Variants in SEC11C observed in about 807,000 individuals in gnomAD.
The protein encoded by SEC11C is signal peptidase complex catalytic subunit SEC11C.
In SEC11C, 10 loss-of-function variants were observed where a neutral mutation model predicts 21.9. The ratio of observed to expected loss-of-function variants is 0.46; its 90% CI spans 0.28 to 0.77. SEC11C has a LOEUF of 0.77. Among genes scored for constraint, SEC11C ranks in the 30% least tolerant of loss-of-function variants. The pLI is 0.12. For missense variants in SEC11C, 145 were observed against 244.5 expected, an observed-to-expected ratio of 0.59 and a Z score of 2.71; for synonymous variants, 83 against 85.6, an observed-to-expected ratio of 0.97 and a Z score of 0.17.
chr18:59,151,731 C>T (rs1208823461), intron 2 of SEC11C, among the ~76,000 whole-genome samples: 1 of 152,184 alleles, frequency 6.6e-6, no homozygotes, highest in African/African-American at 2.4e-5. Flanking sequence ...CAGGTTCTTC[C>T]TGCTCAGCAG....
chr18:59,155,713 AC>A lies in SEC11C; in HGVS notation c.374del (p.Thr125IlefsTer42). On this transcript the variant is annotated frameshift_variant, in exon 4 of 6. Transcript: ENST00000587834. LOFTEE classifies it high-confidence loss of function. ...AGATAATGGAGACATCAAATTTCTG[AC>A]TAAAGGAGATAATAATGAAGTTGAT... The part of the protein sequence containing the change: ...EKDNGDIKFL[T>X]KGDNNEVDDR... 1.2e-6 allele frequency: 2 copies of A among 1,613,764 alleles called. No homozygotes were observed. The highest frequency in any genetic ancestry group is 1.7e-6 in the Non-Finnish European group (2 of 1,179,774).
In SEC11C at chr18:59,155,709, T is replaced by C; in HGVS notation, c.369T>C (p.Phe123=). Residue 123 remains phenylalanine (F), a synonymous_variant, in exon 4 of 6, where the codon TTT becomes TTC. Transcript: ENST00000587834. The part of the protein sequence containing the change: ...VHEKDNGDIK[F]LTKGDNNEVD... Reference sequence around the variant, plus strand: ...CCAGAGATAATGGAGACATCAAATTTCTGACTAAAGGAGATAATAATGAAG... The same window carrying C: ...CCAGAGATAATGGAGACATCAAATTCCTGACTAAAGGAGATAATAATGAAG... 6.2e-7 allele frequency: 1 copy of C among 1,613,652 alleles called. No homozygotes were observed. The highest frequency in any genetic ancestry group is 8.5e-7 in the Non-Finnish European group (1 of 1,179,758).
At chr18:59,142,838 T>G (rs1418363285) in intron 1 of SEC11C, among the ~76,000 whole-genome samples, 1 of 152,200 alleles carries the variant, frequency 6.6e-6, no homozygotes, top group African/African-American at 2.4e-5. Context: ...GACTACATAT[T>G]GGGTACAGTG....
At chr18:59,143,977 G>T (rs1464303931) in intron 1 of SEC11C, among the ~76,000 whole-genome samples, 2 of 151,614 alleles carry the variant, frequency 1.3e-5, no homozygotes, top group Non-Finnish European at 2.9e-5. Context: ...TCAGCCTCCC[G>T]AGTAGCTGGG....
In SEC11C at chr18:59,145,869, G is replaced by A. The variant is rs77417207; in HGVS notation, c.88-3644G>A. Reference sequence around the variant, plus strand: ...GTGTTACAGTCGCCTGCAGTATTCAGTACAGTAGCATGCTGCACAGGTTTC... The same window carrying A: ...GTGTTACAGTCGCCTGCAGTATTCAATACAGTAGCATGCTGCACAGGTTTC... On this transcript the variant is annotated intron_variant, in intron 1 of 5. Transcript: ENST00000587834. Among the ~76,000 whole-genome samples, 173 of 152,302 alleles carry A rather than the reference G, an allele frequency of 1.1e-3. 2 individuals carry two copies. In the Middle Eastern group the frequency reaches 0.014, roughly 12 times the overall value.
rs756957809 is a variant in SEC11C, at chr18:59,140,165, G to T, written c.87+130G>T. 2.8e-5 allele frequency: 21 copies of T among 746,230 alleles called. No homozygotes were observed. In the East Asian group the frequency reaches 5.7e-4, roughly 20 times the overall value. 46.2% of individuals were successfully genotyped at this position (746,230 alleles called of 1,614,324 possible). ...CGGCCACCCGAAGCTCCCGCGCTGG[G>T]CTCTCAGGCCCTGGGTTCTACGCCT... On this transcript the variant is annotated intron_variant, in intron 1 of 5. Transcript: ENST00000587834.
chr18:59,145,210 G>A (rs2069257562), intron 1 of SEC11C, among the ~76,000 whole-genome samples: 1 of 152,202 alleles, frequency 6.6e-6, no homozygotes, highest in Admixed American at 6.5e-5. Flanking sequence ...TGCACCACCT[G>A]TTTTTGTAAA....
chr18:59,145,916 C>T (rs1240965701), intron 1 of SEC11C, among the ~76,000 whole-genome samples: 4 of 152,224 alleles, frequency 2.6e-5, no homozygotes, highest in African/African-American at 9.6e-5. Flanking sequence ...CAATAGGCTA[C>T]ATCGTATAGC....
intron 1 of SEC11C, among the ~76,000 whole-genome samples, chr18:59,148,317 C>G (rs915174078): frequency 6.6e-6 from 1 of 152,226 alleles, no homozygotes; most frequent in Non-Finnish European, 1.5e-5. Context: ...GCGTTAGTCC[C>G]TCTTGCGCCT....
chr18:59,149,714 G>A (rs903534490), intron 2 of SEC11C, 92 bp downstream of exon 2: 13 of 594,940 alleles, frequency 2.2e-5, no homozygotes, highest in African/African-American at 7.3e-5. Context: ...GAAAACCTGC[G>A]TGACAGCTAA....
intron 2 of SEC11C, among the ~76,000 whole-genome samples, chr18:59,151,946 A>C (rs1331028593): frequency 6.6e-6 from 1 of 152,218 alleles, no homozygotes; most frequent in Non-Finnish European, 1.5e-5. Flanking sequence ...ATTGACTTCC[A>C]CAATAACCCA....
intron 1 of SEC11C, among the ~76,000 whole-genome samples, chr18:59,144,761 CA>C (rs1014195574): frequency 3.4e-5 from 4 of 117,924 alleles, no homozygotes; most frequent in African/African-American, 6.3e-5. Flanking sequence ...TTGCTAGAAA[CA>C]AAAAAAAAGG....
intron 1 of SEC11C, among the ~76,000 whole-genome samples, chr18:59,141,888 A>G (rs2069215043): frequency 6.6e-6 from 1 of 152,180 alleles, no homozygotes; most frequent in African/African-American, 2.4e-5. Context: ...AGAATATTTG[A>G]TCTGAAATGT....
In SEC11C at chr18:59,152,797, C is replaced by T. The variant is rs957986782; in HGVS notation, c.347+112C>T. On this transcript the variant is annotated intron_variant, in intron 3 of 5. Coordinates refer to ENST00000587834, the MANE Select transcript of SEC11C (RefSeq NM_033280.4). The stretch of plus-strand genomic sequence containing the variant: ...TATGTTCTGAGTTCTGCCATTGACT[C>T]ACTGGGTGACTTTGGACCAAATGCT... The T allele has an allele frequency of 5.5e-6, 5 of 914,584 alleles. No individual in the cohort carries two copies. In the South Asian group the frequency reaches 5.9e-5, roughly 11 times the overall value. 56.7% of individuals were successfully genotyped at this position (914,584 alleles called of 1,614,324 possible).
chr18:59,157,253 G>A, intron 4 of SEC11C: 1 of 191,054 alleles, frequency 5.2e-6, no homozygotes, highest in Non-Finnish European at 1.1e-5. Flanking sequence ...TTATCTAACA[G>A]CAGTTTTTAT....
chr18:59,146,696 G>T (rs2069279725), intron 1 of SEC11C, among the ~76,000 whole-genome samples: 1 of 152,152 alleles, frequency 6.6e-6, no homozygotes, highest in South Asian at 2.1e-4. Context: ...GCAACTTGGG[G>T]TAGACACTGT....
chr18:59,146,246 G>A (rs755134559), intron 1 of SEC11C, among the ~76,000 whole-genome samples: 3 of 152,186 alleles, frequency 2.0e-5, no homozygotes, highest in Admixed American at 6.5e-5. Flanking sequence ...GGTAGGGGGT[G>A]GCTCCAAACA....
chr18:59,144,826 T>A (rs1024381001), intron 1 of SEC11C, among the ~76,000 whole-genome samples: 2 of 152,098 alleles, frequency 1.3e-5, no homozygotes, highest in Admixed American at 1.3e-4. Flanking sequence ...ATTTTTTATG[T>A]TTATTTACTA....
intron 2 of SEC11C, among the ~76,000 whole-genome samples, 191 bp downstream of exon 2, chr18:59,149,813 T>C (rs551833075): frequency 2.0e-5 from 3 of 152,374 alleles, no homozygotes; most frequent in Admixed American, 2.0e-4. Flanking sequence ...TTGAAAAATC[T>C]CATCTTTCTT....
Sources: allele counts gnomAD v4.1 joint callset (sites outside exome capture counted in the v4.1 genomes callset), GRCh38; gene constraint gnomAD v4.1.1; transcripts MANE v1.5; gene names NCBI Gene and HGNC (gene_info 2026-07-23, HGNC 2026-07-21).